The following SORL1 variants were observed in gnomAD, a reference collection of about 807,000 sequenced individuals.
SORL1 encodes the protein sortilin-related receptor.
SORL1 carries 127 observed loss-of-function variants against 273.7 expected under a neutral mutation model. That is an observed-to-expected ratio of 0.46 (90% confidence interval 0.40 to 0.54). The LOEUF is 0.54. Ranked by LOEUF, SORL1 falls within the 20% of genes least tolerant of loss-of-function variation. The probability of loss-of-function intolerance (pLI) is 0.00; values close to 1 mark genes in which losing one functional copy is unlikely to be tolerated. For synonymous variants in SORL1, 1,031 were observed against 1,067.4 expected (o/e 0.97, Z 0.66); for missense variants, 2,494 against 2,846.1 (o/e 0.88, Z 2.81).
chr11:121,536,110 G>A (rs371609387), intron 12 of SORL1, among the ~76,000 whole-genome samples: 3 of 152,112 alleles, frequency 2.0e-5, no homozygotes, highest in East Asian at 1.9e-4. Flanking sequence ...GATATTTTTC[G>A]TAGTCAGTAA....
At chr11:121,559,726 T>C (rs1258375142) in intron 21 of SORL1, 69 bp downstream of exon 21, 8 of 1,492,580 alleles carry the variant, frequency 5.4e-6, no homozygotes, top group South Asian at 1.2e-5. Context: ...GTGGCCAATC[T>C]CTGCTCAGAG....
chr11:121,455,019 G>A (rs1424833810), intron 1 of SORL1, among the ~76,000 whole-genome samples: 2 of 152,082 alleles, frequency 1.3e-5, no homozygotes, highest in Non-Finnish European at 1.5e-5. Flanking sequence ...TTGTAATCAC[G>A]ACTTTCCCCT....
In SORL1 at chr11:121,557,405, G is replaced by C; in HGVS notation, c.2663G>C (p.Gly888Ala). 6 of 1,609,918 alleles carry C rather than the reference G, an allele frequency of 3.7e-6. No homozygotes were observed. The highest frequency in any genetic ancestry group is 4.3e-6 in the Non-Finnish European group (5 of 1,176,128). Residue 888 changes from glycine to alanine, a missense_variant and splice_region_variant, in exon 19 of 48, where the codon GGG (glycine) becomes GCG (alanine). By Grantham distance (60) the Gly-to-Ala change is moderately conservative. Coordinates refer to ENST00000260197, the MANE Select transcript of SORL1 (RefSeq NM_003105.6). ...GCTCTGGTCCTCGTGCCCCAAGAGG[G>C]GTAAGTGTTGCCCCAAAAGGAAATC... ...PRALVLVPQEGVMFWTDWGDL... is the reference protein window; with the variant it reads ...PRALVLVPQEAVMFWTDWGDL...
At chr11:121,509,317 A>G (rs950679927) in intron 6 of SORL1, among the ~76,000 whole-genome samples, 2 of 152,200 alleles carry the variant, frequency 1.3e-5, no homozygotes, top group Admixed American at 6.5e-5. Flanking sequence ...GGGATAGCTC[A>G]TTGCAGTATC....
rs553449432 is a variant in SORL1 at position 121,624,867 on chromosome 11, G to C, written c.6172-218G>C. Among the ~76,000 whole-genome samples, 8 of 152,232 alleles carry C rather than the reference G, an allele frequency of 5.3e-5. No individual in the cohort carries two copies. In the East Asian group the frequency reaches 1.2e-3, roughly 22 times the overall value. ...CCACGATATAGCTTGTTGTGGGGGG[G>C]TGGTGTGGCAGTTATTTGAGATATT... On this transcript the variant is annotated intron_variant, in intron 45 of 47. Transcript: ENST00000260197.
In SORL1 at chr11:121,595,296, C is replaced by T. The variant is rs1040548879; in HGVS notation, c.4370-327C>T. On this transcript the variant is annotated intron_variant, in intron 31 of 47. Coordinates refer to ENST00000260197, the MANE Select transcript of SORL1 (RefSeq NM_003105.6). This position sits in a 1 kb window ranked among gnomAD's most constrained non-coding sequence, Gnocchi z 5.1. ...ATTGGTTCTGAGCTTTCTCCTGTGACGGCTTAGGGTAGGACGCAGCCTTCG... is the reference window on the plus strand; with the variant it reads ...ATTGGTTCTGAGCTTTCTCCTGTGATGGCTTAGGGTAGGACGCAGCCTTCG... 6.6e-5 allele frequency among the ~76,000 whole-genome samples: 10 copies of T among 152,206 alleles called. No homozygotes were observed. Among genetic ancestry groups the T allele is most frequent in the Non-Finnish European group, 1.0e-4 (7 of 68,038 alleles).
chr11:121,547,413 T>C (rs1169533105), intron 14 of SORL1, among the ~76,000 whole-genome samples: 26 of 11,308 alleles, frequency 2.3e-3, no homozygotes, highest in African/African-American at 5.3e-3. Context: ...TCCCCAACCC[T>C]CACCAAAAAA....
At chr11:121,602,719 C>CT (rs1863412597) in intron 32 of SORL1, among the ~76,000 whole-genome samples, 1 of 152,162 alleles carries the variant, frequency 6.6e-6, no homozygotes. Flanking sequence ...CTCATATCAC[C>CT]TTTAACATAA....
chr11:121,514,002 C>T, intron 7 of SORL1, 150 bp from the exon 8 acceptor site: 1 of 839,090 alleles, frequency 1.2e-6, no homozygotes, highest in African/African-American at 1.7e-5. Context: ...GTCGCCAAAG[C>T]TTCTTTGCCA....
In SORL1 at chr11:121,550,686, T is replaced by A. The variant is rs761149409; in HGVS notation, c.2266+16T>A. ...CCCCTGGCAGGTAAGAGAGGTGGTT[T>A]CTTCCCTTTCATTTCTTGAGACATG... On this transcript the variant is annotated intron_variant, in intron 16 of 47. Transcript: ENST00000260197. The surrounding 1 kb of genome is among the most constrained non-coding windows in gnomAD (Gnocchi z 5.3). 2 of 1,600,910 alleles carry A rather than the reference T, an allele frequency of 1.2e-6. No individual in the cohort carries two copies. Among genetic ancestry groups the A allele is most frequent in the Middle Eastern group, 1.7e-4 (1 of 6,030 alleles).
chr11:121,487,945 TACTCGTGTGG>T, intron 3 of SORL1, 77 bp from the exon 4 acceptor site: 1 of 1,405,264 alleles, frequency 7.1e-7, no homozygotes, highest in Non-Finnish European at 9.9e-7. Flanking sequence ...CACATGTGTG[TACTCGTGTGG>T]ACTCGCACAT....
intron 3 of SORL1, among the ~76,000 whole-genome samples, chr11:121,479,787 G>T (rs1392959694): frequency 6.6e-6 from 1 of 152,194 alleles, no homozygotes; most frequent in African/African-American, 2.4e-5. Flanking sequence ...GTACATACTT[G>T]TTAAAATATC....
chr11:121,610,573 GC>G (rs1449061268), intron 38 of SORL1: 1 of 154,124 alleles, frequency 6.5e-6, no homozygotes, highest in African/African-American at 2.4e-5. Context: ...TCAGTAACTT[GC>G]CTAGGTTACA....
At chr11:121,499,783 G>A (rs1197852081) in intron 6 of SORL1, among the ~76,000 whole-genome samples, 1 of 152,214 alleles carries the variant, frequency 6.6e-6, no homozygotes, top group African/African-American at 2.4e-5. Flanking sequence ...CTGAGCTTGG[G>A]AAATTCCAGC....
chr11:121,626,465 T>C (rs1863796470), intron 46 of SORL1: 1 of 152,180 alleles, frequency 6.6e-6, no homozygotes, highest in African/African-American at 2.4e-5. Flanking sequence ...TTTTTTTTTT[T>C]TCTGGCAAGG....
chr11:121,541,470 A>C (rs1352659454), intron 12 of SORL1, among the ~76,000 whole-genome samples: 1 of 152,176 alleles, frequency 6.6e-6, no homozygotes, highest in Non-Finnish European at 1.5e-5. Context: ...TTGGCCTCCC[A>C]AAGTGCTGGG....
Position 121,627,882 on chromosome 11 carries a change from C to T in SORL1, c.6577+115C>T. On this transcript the variant is annotated intron_variant, in intron 47 of 47. Coordinates refer to ENST00000260197, the MANE Select transcript of SORL1 (RefSeq NM_003105.6). The surrounding 1 kb of genome is among the most constrained non-coding windows in gnomAD (Gnocchi z 4.9). ...CTCTTTTGACCCTGGAGGAGCTCTT[C>T]ATCAGCCAGCGATTTGATTCCATGA... 3.0e-6 allele frequency: 2 copies of T among 668,490 alleles called. No homozygotes were observed. Among genetic ancestry groups the T allele is most frequent in the South Asian group, 1.9e-5 (1 of 52,546 alleles). 41.4% of individuals were successfully genotyped at this position (668,490 alleles called of 1,614,324 possible). A position where few individuals can be genotyped will look rare whatever the true frequency, so the allele number is the denominator to read the frequency against.
chr11:121,542,857 C>A (rs1057332841), intron 12 of SORL1, among the ~76,000 whole-genome samples: 2 of 149,086 alleles, frequency 1.3e-5, no homozygotes, highest in Non-Finnish European at 3.0e-5. Context: ...TGTGTCCAAC[C>A]CTTATTAAGT....
intron 43 of SORL1, among the ~76,000 whole-genome samples, 165 bp from the exon 44 acceptor site, chr11:121,620,899 G>C (rs1464355289): frequency 6.6e-6 from 1 of 152,178 alleles, no homozygotes; most frequent in Non-Finnish European, 1.5e-5. Context: ...GATTGGATCT[G>C]GTCACTCCAA....
Sources: gnomAD v4.1 joint callset for allele counts (sites outside exome capture counted in the v4.1 genomes callset) on GRCh38, gnomAD v4.1.1 for gene constraint, Gnocchi (gnomAD v3.1) non-coding constraint, MANE v1.5 for transcripts, NCBI Gene and HGNC (gene_info 2026-07-23, HGNC 2026-07-21) for gene names.